Variants in CSNK2A2 observed in about 807,000 individuals in gnomAD.
CSNK2A2 encodes casein kinase II subunit alpha'.
In CSNK2A2, 8 loss-of-function variants were observed where a neutral mutation model predicts 54.0. The ratio of observed to expected loss-of-function variants is 0.15; its 90% confidence interval spans 0.09 to 0.27. The LOEUF is 0.27. Ranked by LOEUF, CSNK2A2 falls within the 10% of genes least tolerant of loss-of-function variation. The pLI, the probability that CSNK2A2 is intolerant of heterozygous loss-of-function variation, is 1.00. For synonymous variants in CSNK2A2, 141 were observed against 153.9 expected, an observed-to-expected ratio of 0.92 and a Z score of 0.62; for missense variants, 242 against 439.4, an observed-to-expected ratio of 0.55 and a Z score of 4.02.
At chr16:58,182,138 T>C (rs1293108561) in intron 4 of CSNK2A2, among the ~76,000 whole-genome samples, 4 of 151,928 alleles carry the variant, frequency 2.6e-5, no homozygotes, top group Non-Finnish European at 5.9e-5. Flanking sequence ...ACATCCCCTT[T>C]GAGGGTTAAG....
chr16:58,190,165 A>T (rs1041305962), intron 2 of CSNK2A2, among the ~76,000 whole-genome samples: 3 of 152,194 alleles, frequency 2.0e-5, no homozygotes, highest in Non-Finnish European at 4.4e-5. Flanking sequence ...TCCAATTCAG[A>T]GACTATCTGT....
chr16:58,168,835 A>C (rs995087644), intron 5 of CSNK2A2, 142 bp from the exon 6 acceptor site: 3 of 639,522 alleles, frequency 4.7e-6, no homozygotes, highest in Non-Finnish European at 8.2e-6. Flanking sequence ...AAGAGAAAAA[A>C]AGCGTGCTTC....
rs181889089 is a variant in CSNK2A2, at chr16:58,173,250, C to T, written c.429+1201G>A. The stretch of plus-strand genomic sequence containing the variant: ...CTGATCTTACTGACAAAAAGGAAGA[C>T]CCATTAGCCATAAGAGTGAACCTTA... On this transcript the variant is annotated intron_variant, in intron 5 of 11. Coordinates refer to ENST00000262506, the MANE Select transcript of CSNK2A2 (RefSeq NM_001896.4). Among the ~76,000 whole-genome samples, 99 of 152,260 alleles carry T rather than the reference C, an allele frequency of 6.5e-4. No homozygotes were observed. The Middle Eastern group carries it at 0.01, about 16-fold the overall frequency.
intron 4 of CSNK2A2, among the ~76,000 whole-genome samples, chr16:58,181,601 T>A (rs960723135): frequency 2.0e-5 from 3 of 152,036 alleles, no homozygotes; most frequent in Non-Finnish European, 4.4e-5. Context: ...ATATTCTTAG[T>A]GAGAAAATAG....
chr16:58,164,424 A>C (rs1377473245), intron 10 of CSNK2A2, among the ~76,000 whole-genome samples: 1 of 152,194 alleles, frequency 6.6e-6, no homozygotes, highest in African/African-American at 2.4e-5. Context: ...CCACTGTTCA[A>C]ATTTCTACAT....
intron 5 of CSNK2A2, among the ~76,000 whole-genome samples, chr16:58,170,911 CT>C (rs1961717264): frequency 6.6e-6 from 1 of 152,052 alleles, no homozygotes; most frequent in African/African-American, 2.4e-5. Flanking sequence ...AATTCAGGAC[CT>C]TTGGCTAATC....
At chr16:58,160,194 CTTAA>C (rs1346738569) in intron 11 of CSNK2A2, 1 of 151,804 alleles carries the variant, frequency 6.6e-6, no homozygotes, top group Non-Finnish European at 1.5e-5. Context: ...GTTACTCAGT[CTTAA>C]TTTATTAAGA....
chr16:58,182,374 C>CAAAAAAAAAAAAAAAAAAA (rs71155249), intron 4 of CSNK2A2, among the ~76,000 whole-genome samples: 1 of 25,746 alleles, frequency 3.9e-5, no homozygotes, highest in Non-Finnish European at 6.3e-5. Flanking sequence ...CTAAATATAC[C>CAAAAAAAAAAAAAAAAAAA]AAAAAAAAAA....
rs187250266 is a variant in CSNK2A2, at chr16:58,186,426, C to G, written c.318+329G>C. 3.3e-5 allele frequency among the ~76,000 whole-genome samples: 5 copies of G among 152,284 alleles called. No individual in the cohort carries two copies. The East Asian group carries it at 9.7e-4, about 29-fold the overall frequency. On this transcript the variant is annotated intron_variant, in intron 3 of 11. Coordinates refer to ENST00000262506, the MANE Select transcript of CSNK2A2 (RefSeq NM_001896.4). ...TGCTTACTTAAGTGAGGTAGAGTAA[C>G]ACAAATTGGCAGTAATGAACTTTCA...
intron 4 of CSNK2A2, 50 bp from the exon 5 acceptor site, chr16:58,174,560 T>C (rs1318806843): frequency 2.0e-6 from 3 of 1,482,118 alleles, no homozygotes; most frequent in Non-Finnish European, 2.8e-6. Flanking sequence ...CACTGCATCT[T>C]GTCATCCTAA....
chr16:58,160,300 G>C (rs895720199), intron 11 of CSNK2A2: 2 of 152,178 alleles, frequency 1.3e-5, no homozygotes, highest in Non-Finnish European at 2.9e-5. Flanking sequence ...ACTCTGATCG[G>C]TTATTATCCC....
chr16:58,187,264 A>C (rs1462221225), intron 2 of CSNK2A2, among the ~76,000 whole-genome samples: 1 of 152,002 alleles, frequency 6.6e-6, no homozygotes, highest in Non-Finnish European at 1.5e-5. Context: ...TCTTCCAATG[A>C]GTTACATGTA....
chr16:58,196,483 G>C (rs531883525), intron 2 of CSNK2A2, among the ~76,000 whole-genome samples: 1 of 152,104 alleles, frequency 6.6e-6, no homozygotes, highest in African/African-American at 2.4e-5. Flanking sequence ...ATAGCTGGGC[G>C]TGGTGGCATG....
chr16:58,171,479 T>G (rs562468612), intron 5 of CSNK2A2, among the ~76,000 whole-genome samples: 1 of 151,938 alleles, frequency 6.6e-6, no homozygotes, highest in Non-Finnish European at 1.5e-5. Flanking sequence ...GCCGAGATCA[T>G]GCCACCGCAC....
intron 4 of CSNK2A2, among the ~76,000 whole-genome samples, chr16:58,177,604 T>C (rs1961916110): frequency 6.6e-6 from 1 of 152,138 alleles, no homozygotes; most frequent in Admixed American, 6.6e-5. Context: ...TTCCCAACCA[T>C]GACCTTCAGG....
intron 4 of CSNK2A2, among the ~76,000 whole-genome samples, chr16:58,175,682 A>T (rs939193890): frequency 1.3e-5 from 2 of 152,256 alleles, no homozygotes; most frequent in African/African-American, 4.8e-5. Context: ...GTTCAAAAAA[A>T]TTTAATAAAA....
At chr16:58,171,132 G>C (rs1388746674) in intron 5 of CSNK2A2, among the ~76,000 whole-genome samples, 2 of 152,102 alleles carry the variant, frequency 1.3e-5, no homozygotes, top group Non-Finnish European at 2.9e-5. Flanking sequence ...CTTCATGCTG[G>C]AGGAGTACAC....
intron 4 of CSNK2A2, 43 bp downstream of exon 4, chr16:58,184,217 C>T: frequency 6.7e-7 from 1 of 1,500,098 alleles, no homozygotes; most frequent in Non-Finnish European, 9.2e-7. Flanking sequence ...ACCAGCTCCC[C>T]CTCACCCCGT....
At chr16:58,167,817 A>G in intron 6 of CSNK2A2, 22 bp from the exon 7 acceptor site, 1 of 1,592,968 alleles carries the variant, frequency 6.3e-7, no homozygotes, top group Non-Finnish European at 8.6e-7. Context: ...ACAGAAAAAA[A>G]CATGTGAAAG....
Sources: allele counts gnomAD v4.1 joint callset (sites outside exome capture counted in the v4.1 genomes callset), GRCh38; gene constraint gnomAD v4.1.1; transcripts MANE v1.5; gene names NCBI Gene and HGNC (gene_info 2026-07-23, HGNC 2026-07-21).